PTPRC: variants seen among roughly 807,000 people sequenced by gnomAD.
PTPRC encodes receptor-type tyrosine-protein phosphatase C.
In PTPRC, 44 loss-of-function variants were observed where a neutral mutation model predicts 155.9. The observed-to-expected ratio is 0.28, with a 90% CI of 0.22 to 0.36. The LOEUF (loss-of-function observed/expected upper bound fraction) is 0.36. Among genes scored for constraint, PTPRC ranks in the 10% least tolerant of loss-of-function variants. PTPRC has a pLI of 1.00. For missense variants in PTPRC, 1,401 were observed against 1,564.6 expected (o/e 0.90, Z 1.76); for synonymous variants, 525 against 533.1 (o/e 0.98, Z 0.21).
At chr1:198,657,929 T>C (rs1226868687) in intron 2 of PTPRC, 1 of 152,164 alleles carries the variant, frequency 6.6e-6, no homozygotes, top group Non-Finnish European at 1.5e-5. Flanking sequence ...AAAAATAGTA[T>C]AATTATGATT....
chr1:198,713,702 T>C (rs72738053), intron 12 of PTPRC, among the ~76,000 whole-genome samples: 1 of 152,154 alleles, frequency 6.6e-6, no homozygotes, highest in African/African-American at 2.4e-5. Flanking sequence ...CAATTTAAAG[T>C]ATCTAAATTG....
intron 26 of PTPRC, among the ~76,000 whole-genome samples, chr1:198,744,599 G>A (rs1294156137): frequency 6.6e-6 from 1 of 151,884 alleles, no homozygotes; most frequent in Non-Finnish European, 1.5e-5. Context: ...GACTGCTTAG[G>A]AAGTTGAACT....
At chr1:198,655,505 A>T (rs1306890424) in intron 2 of PTPRC, among the ~76,000 whole-genome samples, 1 of 152,072 alleles carries the variant, frequency 6.6e-6, no homozygotes, top group Non-Finnish European at 1.5e-5. Context: ...CAATGAAATG[A>T]ATGTTGGATT....
At position 198,753,184 on chromosome 1, in the gene PTPRC, C is replaced by T. The variant is rs567135735; in HGVS notation, c.3509+412C>T. ...AAAGACACCTAATATGTTTAATGAA[C>T]ACAAAGTTTATTAAACATATTTTAA... On this transcript the variant is annotated intron_variant, in intron 31 of 32. Coordinates refer to ENST00000442510, the MANE Select transcript of PTPRC (RefSeq NM_002838.5). 1.4e-4 allele frequency among the ~76,000 whole-genome samples: 21 copies of T among 152,052 alleles called. No individual in the cohort carries two copies. The South Asian group carries it at 4.4e-3, about 32-fold the overall frequency.
intron 23 of PTPRC, among the ~76,000 whole-genome samples, chr1:198,735,475 T>G (rs1654593868): frequency 6.6e-6 from 1 of 151,546 alleles, no homozygotes; most frequent in Non-Finnish European, 1.5e-5. Flanking sequence ...TATACTGTAT[T>G]AATTAATTAT....
intron 2 of PTPRC, among the ~76,000 whole-genome samples, chr1:198,642,940 C>CT (rs1207905505): frequency 2.0e-5 from 3 of 147,634 alleles, no homozygotes; most frequent in Non-Finnish European, 4.5e-5. Flanking sequence ...TTCTTTCTTT[C>CT]TTTCTTTCTT....
At chr1:198,708,607 A>T (rs988694758) in intron 10 of PTPRC, among the ~76,000 whole-genome samples, 10 of 152,242 alleles carry the variant, frequency 6.6e-5, no homozygotes, top group Admixed American at 3.9e-4. Context: ...TAAGGAAATG[A>T]TAATACACAA....
intron 2 of PTPRC, among the ~76,000 whole-genome samples, chr1:198,671,079 T>C (rs957325019): frequency 1.3e-5 from 2 of 152,108 alleles, no homozygotes; most frequent in Admixed American, 1.3e-4. Context: ...ATACTCATAA[T>C]CATTTGTCAA....
chr1:198,641,982 A>G (rs1662610934), intron 2 of PTPRC, among the ~76,000 whole-genome samples: 1 of 151,962 alleles, frequency 6.6e-6, no homozygotes, highest in South Asian at 2.1e-4. Flanking sequence ...AGTTCTAAAT[A>G]CTCCATAATT....
chr1:198,708,443 A>G (rs1192447791), intron 10 of PTPRC, among the ~76,000 whole-genome samples, 182 bp downstream of exon 10: 4 of 152,296 alleles, frequency 2.6e-5, no homozygotes, highest in Non-Finnish European at 4.4e-5. Flanking sequence ...AAATAATTAA[A>G]TTACCTATAC....
chr1:198,702,338 C>G (rs764568925), intron 5 of PTPRC, 49 bp from the exon 6 acceptor site: 27 of 1,613,722 alleles, frequency 1.7e-5, no homozygotes, highest in Non-Finnish European at 2.1e-5. Flanking sequence ...GGCTATTGCC[C>G]TTGCGTGACA....
In PTPRC at chr1:198,713,960, A is replaced by T. The variant is rs139196245; in HGVS notation, c.1291+888A>T. ...TTGCTAGTGTCTTTAGGTCTTAATA[A>T]TCAGACTACTAAAGCAAAGTTAAAT... On this transcript the variant is annotated intron_variant, in intron 12 of 32. Transcript: ENST00000442510. Among the ~76,000 whole-genome samples the T allele has an allele frequency of 2.7e-3, 405 of 152,324 alleles. 4 individuals carry two copies. Among genetic ancestry groups the T allele is most frequent in the African/African-American group, 9.0e-3 (376 of 41,586 alleles).
At chr1:198,646,724 G>A (rs55797144) in intron 2 of PTPRC, among the ~76,000 whole-genome samples, 2,360 of 151,774 alleles carry the variant, frequency 0.016, 63 homozygotes, top group African/African-American at 0.054. Flanking sequence ...TTGATAGCCT[G>A]GAATTATTAT....
chr1:198,639,063 G>C lies in PTPRC; in HGVS notation c.-118G>C, dbSNP rs1662423108. On this transcript the variant is annotated 5_prime_UTR_variant, in exon 1 of 33. The change abolishes an upstream ATG in the 5' untranslated region. Coordinates refer to ENST00000442510, the MANE Select transcript of PTPRC (RefSeq NM_002838.5). ...CTGACATCATCACCTAGCAGTTCAT[G>C]CAGCTAGCAAGTGGTTTGTTCTTAG... 1 of 571,994 alleles carries C rather than the reference G, an allele frequency of 1.7e-6. No homozygotes were observed. The highest frequency in any genetic ancestry group is 2.1e-5 in the South Asian group (1 of 47,506). 35.4% of individuals were successfully genotyped at this position (571,994 alleles called of 1,614,324 possible).
intron 2 of PTPRC, among the ~76,000 whole-genome samples, chr1:198,649,670 T>TG (rs1326432101): frequency 6.6e-6 from 1 of 151,630 alleles, no homozygotes; most frequent in Non-Finnish European, 1.5e-5. Flanking sequence ...GTGTGTAAAA[T>TG]GGAAATAATA....
At chr1:198,741,665 T>C (rs1311778422) in intron 23 of PTPRC, among the ~76,000 whole-genome samples, 1 of 151,840 alleles carries the variant, frequency 6.6e-6, no homozygotes, top group Non-Finnish European at 1.5e-5. Context: ...TCCTGCACAA[T>C]ATCTTAACTA....
At chr1:198,674,199 G>A (rs1455255336) in intron 2 of PTPRC, among the ~76,000 whole-genome samples, 1 of 152,074 alleles carries the variant, frequency 6.6e-6, no homozygotes, top group Non-Finnish European at 1.5e-5. Context: ...ACGACACTTG[G>A]AGCGGCATCT....
chr1:198,742,697 A>G (rs1654959221), intron 25 of PTPRC, among the ~76,000 whole-genome samples: 7 of 151,922 alleles, frequency 4.6e-5, no homozygotes, highest in Admixed American at 4.6e-4. Context: ...AAGAGACAGA[A>G]TAGTATAGTA....
chr1:198,734,389 T>G lies in PTPRC; in HGVS notation c.2241T>G (p.Val747=). The change falls in exon 22 of 33, where the codon GTT becomes GTG. Residue 747 remains valine, a synonymous_variant. Transcript: ENST00000442510. ...TGATTTGGGAACAGAAAGCCACAGTTATTGTCATGGTCACTCGATGTGAAG... is the reference window on the plus strand; with the variant it reads ...TGATTTGGGAACAGAAAGCCACAGTGATTGTCATGGTCACTCGATGTGAAG... ...WRMIWEQKAT[V]IVMVTRCEEG... is the part of the protein sequence containing the mutation. 6.2e-7 allele frequency: 1 copy of G among 1,611,196 alleles called. No homozygotes were observed. The highest frequency in any genetic ancestry group is 8.5e-7 in the Non-Finnish European group (1 of 1,177,918).
Sources: allele counts gnomAD v4.1 joint callset (sites outside exome capture counted in the v4.1 genomes callset), GRCh38; gene constraint gnomAD v4.1.1; transcripts MANE v1.5; gene names NCBI Gene and HGNC (gene_info 2026-07-23, HGNC 2026-07-21).